The following TOX variants were observed in gnomAD, a reference collection of about 807,000 sequenced individuals.
The protein encoded by TOX is thymocyte selection associated high mobility group box, also known as thymocyte selection-associated high mobility group box protein TOX.
TOX carries 11 observed loss-of-function variants against 53.7 expected under a neutral mutation model. That is an observed-to-expected ratio of 0.20 (90% confidence interval 0.13 to 0.34). The LOEUF (loss-of-function observed/expected upper bound fraction) is 0.34. Ranked by LOEUF, TOX falls within the 10% of genes least tolerant of loss-of-function variation. TOX has a pLI of 1.00. For missense variants in TOX, 570 were observed against 664.6 expected (o/e 0.86, Z 1.56); for synonymous variants, 225 against 245.3 (o/e 0.92, Z 0.77).
At chr8:58,911,846 G>C (rs546418822) in intron 3 of TOX, among the ~76,000 whole-genome samples, 2 of 152,148 alleles carry the variant, frequency 1.3e-5, no homozygotes, top group African/African-American at 4.8e-5. Flanking sequence ...GGGATTACAG[G>C]TGCATGCTAC....
intron 1 of TOX, among the ~76,000 whole-genome samples, chr8:59,078,977 G>A (rs187207317): frequency 4.9e-4 from 74 of 152,340 alleles, no homozygotes; most frequent in Non-Finnish European, 1.2e-4. Context: ...GAGCTTGGCT[G>A]TATTTTGTTC....
chr8:59,114,746 C>T (rs1227208702), intron 1 of TOX, among the ~76,000 whole-genome samples: 2 of 152,152 alleles, frequency 1.3e-5, no homozygotes, highest in African/African-American at 4.8e-5. Context: ...CTTTTTCTTA[C>T]ATTTACTGTT....
chr8:59,114,268 C>T (rs535598812), intron 1 of TOX, among the ~76,000 whole-genome samples: 9 of 152,244 alleles, frequency 5.9e-5, no homozygotes, highest in African/African-American at 2.2e-4. Flanking sequence ...ATATGATAAA[C>T]TGTGAGAATA....
At chr8:58,906,262 C>T (rs1811812975) in intron 3 of TOX, among the ~76,000 whole-genome samples, 4 of 151,618 alleles carry the variant, frequency 2.6e-5, no homozygotes, top group Admixed American at 2.6e-4. Flanking sequence ...CTTAGTTGTG[C>T]AAGAAGAAAA....
intron 1 of TOX, among the ~76,000 whole-genome samples, chr8:58,995,955 C>T (rs77924196): frequency 0.012 from 1,792 of 152,196 alleles, 15 homozygotes; most frequent in Non-Finnish European, 0.021. Flanking sequence ...TTTACTTGTC[C>T]CAGATGCCAC....
At chr8:59,013,617 G>A (rs1477268043) in intron 1 of TOX, among the ~76,000 whole-genome samples, 1 of 152,104 alleles carries the variant, frequency 6.6e-6, no homozygotes, top group Non-Finnish European at 1.5e-5. Flanking sequence ...CACTACGTTG[G>A]CCAGGCAGGT....
chr8:59,079,066 A>G (rs2129423050), intron 1 of TOX, among the ~76,000 whole-genome samples: 2 of 152,300 alleles, frequency 1.3e-5, no homozygotes, highest in Middle Eastern at 3.4e-3. Flanking sequence ...CTAAGCAGCA[A>G]AGTGTTTAAG....
intron 1 of TOX, among the ~76,000 whole-genome samples, chr8:59,080,384 A>G (rs1340847813): frequency 6.6e-6 from 1 of 151,638 alleles, no homozygotes; most frequent in Non-Finnish European, 1.5e-5. Flanking sequence ...TCTATATTTT[A>G]CAGGCTCATA....
At chr8:58,988,321 T>C (rs1418308655) in intron 1 of TOX, among the ~76,000 whole-genome samples, 1 of 152,244 alleles carries the variant, frequency 6.6e-6, no homozygotes, top group Non-Finnish European at 1.5e-5. Flanking sequence ...TCTGGTCTGC[T>C]GTCTGCTTTT....
intron 3 of TOX, among the ~76,000 whole-genome samples, chr8:58,869,750 A>G (rs1811166926): frequency 6.6e-6 from 1 of 152,144 alleles, no homozygotes; most frequent in South Asian, 2.1e-4. Context: ...AGAAAATCTA[A>G]CAATGTATTA....
chr8:58,904,979 G>A (rs575013379), intron 3 of TOX, among the ~76,000 whole-genome samples: 32 of 152,256 alleles, frequency 2.1e-4, no homozygotes, highest in Admixed American at 2.0e-3. Flanking sequence ...AGAATGGCAC[G>A]ATCTGTAGAG....
chr8:59,016,110 C>A lies in TOX; in HGVS notation c.103-56102G>T, dbSNP rs563198034. On this transcript the variant is annotated intron_variant, in intron 1 of 8. Coordinates refer to ENST00000361421, the MANE Select transcript of TOX (RefSeq NM_014729.3). The stretch of plus-strand genomic sequence containing the variant: ...AGTAAAATGTAGTCACTAAATTGGT[C>A]TTCTCTTCTTAAAAAAAATCATTTT... 1.4e-4 allele frequency among the ~76,000 whole-genome samples: 21 copies of A among 152,102 alleles called. 1 individual carries two copies. In the South Asian group the frequency reaches 4.1e-3, roughly 30 times the overall value.
At position 59,020,966 on chromosome 8, in the gene TOX, T is replaced by A. The variant is rs1162343412; in HGVS notation, c.103-60958A>T. Among the ~76,000 whole-genome samples the A allele has an allele frequency of 4.0e-5, 6 of 151,784 alleles. 1 individual carries two copies. Among genetic ancestry groups the A allele is most frequent in the Non-Finnish European group, 8.8e-5 (6 of 67,936 alleles). On this transcript the variant is annotated intron_variant, in intron 1 of 8. Transcript: ENST00000361421. ...TGTCTCTACAAAAAATAAAAAAGAA[T>A]CAGCCAGGCATGGTGGTACATGCCT...
intron 3 of TOX, among the ~76,000 whole-genome samples, chr8:58,873,951 C>G (rs1279200639): frequency 1.6e-5 from 1 of 64,180 alleles, no homozygotes; most frequent in Non-Finnish European, 2.6e-5. Flanking sequence ...TCCTGAATGC[C>G]AGGAAGCTTT....
intron 1 of TOX, among the ~76,000 whole-genome samples, chr8:58,973,164 T>G (rs1813031126): frequency 6.6e-6 from 1 of 152,188 alleles, no homozygotes; most frequent in African/African-American, 2.4e-5. Context: ...TAGTACCTAT[T>G]CCCCATTCTA....
At chr8:58,998,514 T>TA (rs1563413332) in intron 1 of TOX, among the ~76,000 whole-genome samples, 5 of 112,356 alleles carry the variant, frequency 4.5e-5, no homozygotes, top group East Asian at 2.6e-4. Context: ...TATATATATA[T>TA]ATATATATAT....
At chr8:59,084,265 G>A (rs969344775) in intron 1 of TOX, among the ~76,000 whole-genome samples, 1 of 151,916 alleles carries the variant, frequency 6.6e-6, no homozygotes, top group Non-Finnish European at 1.5e-5. Flanking sequence ...TAAACCAAAT[G>A]CTACAGAGAT....
intron 3 of TOX, among the ~76,000 whole-genome samples, chr8:58,883,907 T>G (rs1811427019): frequency 6.6e-6 from 1 of 152,180 alleles, no homozygotes; most frequent in Admixed American, 6.5e-5. Context: ...GAATCTTCAT[T>G]TATCTTTTAT....
chr8:59,028,804 C>T (rs1814293944), intron 1 of TOX, among the ~76,000 whole-genome samples: 1 of 152,112 alleles, frequency 6.6e-6, no homozygotes, highest in Non-Finnish European at 1.5e-5. Context: ...TTCAAAGTTA[C>T]ATTAAAAAGA....
Sources: gnomAD v4.1 joint callset for allele counts (sites outside exome capture counted in the v4.1 genomes callset) on GRCh38, gnomAD v4.1.1 for gene constraint, MANE v1.5 for transcripts, NCBI Gene and HGNC (gene_info 2026-07-23, HGNC 2026-07-21) for gene names.